The following GLIPR1L1 variants were observed in gnomAD, a reference collection of about 807,000 sequenced individuals.
GLIPR1L1 encodes GLIPR1-like protein 1.
Under a neutral mutation model 29.9 loss-of-function variants are expected in GLIPR1L1, and 26 were observed. The ratio of observed to expected loss-of-function variants is 0.87; its 90% CI spans 0.64 to 1.21. GLIPR1L1 has a LOEUF of 1.21. Ranked by LOEUF, GLIPR1L1 falls within the 50% of genes most tolerant of loss-of-function variation. The pLI, the probability that GLIPR1L1 is intolerant of heterozygous loss-of-function variation, is 0.00. For synonymous variants in GLIPR1L1, 77 were observed against 97.5 expected, an observed-to-expected ratio of 0.79 and a Z score of 1.24; for missense variants, 305 against 290.3, an observed-to-expected ratio of 1.05 and a Z score of -0.37.
intron 4 of GLIPR1L1, chr12:75,369,688 T>A (rs1309411591): frequency 1.0e-6 from 1 of 984,934 alleles, no homozygotes; most frequent in African/African-American, 1.7e-5. Flanking sequence ...AAAAATAAAG[T>A]TAACTACTTT....
intron 4 of GLIPR1L1, chr12:75,366,811 A>C: frequency 1.4e-6 from 1 of 697,370 alleles, no homozygotes; most frequent in Non-Finnish European, 2.6e-6. Flanking sequence ...CACCTCTGAG[A>C]GGGCTAAAAA....
In GLIPR1L1 at chr12:75,370,182, T is replaced by C. The variant is rs529316132; in HGVS notation, c.*6T>C. 32 of 1,350,958 alleles carry C rather than the reference T, an allele frequency of 2.4e-5. No homozygotes were observed. In the African/African-American group the frequency reaches 2.9e-4, roughly 12 times the overall value. 83.7% of individuals were successfully genotyped at this position (1,350,958 alleles called of 1,614,324 possible). On this transcript the variant is annotated 3_prime_UTR_variant, in exon 6 of 6. Transcript: ENST00000378695. ...TTCTTCTGAGAATCTTTTAATGTCATTTATATACAAAAGAAATTCTCAAAT... is the reference window on the plus strand; with the variant it reads ...TTCTTCTGAGAATCTTTTAATGTCACTTATATACAAAAGAAATTCTCAAAT...
intron 3 of GLIPR1L1, among the ~76,000 whole-genome samples, chr12:75,352,473 C>G (rs909011150): frequency 6.6e-6 from 1 of 152,172 alleles, no homozygotes; most frequent in African/African-American, 2.4e-5. Flanking sequence ...TATATATGCA[C>G]CCAATACAGG....
intron 2 of GLIPR1L1, among the ~76,000 whole-genome samples, chr12:75,345,871 C>T (rs370942124): frequency 5.1e-4 from 77 of 152,280 alleles, no homozygotes; most frequent in South Asian, 5.0e-3. Context: ...CTTCTCCCTT[C>T]GTATTACTAA....
chr12:75,337,638 G>A (rs935776970), intron 1 of GLIPR1L1, among the ~76,000 whole-genome samples: 3 of 151,764 alleles, frequency 2.0e-5, no homozygotes, highest in Non-Finnish European at 2.9e-5. Context: ...ATATGTATAC[G>A]TCAGTGAAAC....
intron 3 of GLIPR1L1, chr12:75,360,215 A>T (rs1191539916): frequency 6.6e-6 from 1 of 152,132 alleles, no homozygotes. Context: ...AAACCCTATC[A>T]TTCTGCCCCA....
intron 4 of GLIPR1L1, chr12:75,369,526 G>A (rs975493341): frequency 4.1e-6 from 4 of 980,476 alleles, no homozygotes; most frequent in Non-Finnish European, 4.8e-6. Context: ...AAACTGGGGA[G>A]GAAAGTTTGA....
chr12:75,364,263 AG>A (rs1428453004), intron 4 of GLIPR1L1, among the ~76,000 whole-genome samples: 4 of 152,214 alleles, frequency 2.6e-5, no homozygotes, highest in African/African-American at 9.6e-5. Flanking sequence ...ACTAGTTTTC[AG>A]GTTAACTTTG....
chr12:75,367,268 GAAAAAAAA>G (rs35250320), intron 4 of GLIPR1L1, among the ~76,000 whole-genome samples: 67 of 88,738 alleles, frequency 7.6e-4, no homozygotes, highest in Non-Finnish European at 6.0e-4. Context: ...TTCCTAGGAG[GAAAAAAAA>G]AAAAAAAAAA....
chr12:75,350,051 C>CT (rs953177555), intron 3 of GLIPR1L1, among the ~76,000 whole-genome samples: 2 of 152,232 alleles, frequency 1.3e-5, no homozygotes, highest in Non-Finnish European at 2.9e-5. Flanking sequence ...TCCCCTGCTG[C>CT]TGGTGCCAGC....
intron 4 of GLIPR1L1, among the ~76,000 whole-genome samples, chr12:75,367,693 C>T (rs1181536439): frequency 6.6e-6 from 1 of 151,970 alleles, no homozygotes; most frequent in Non-Finnish European, 1.5e-5. Flanking sequence ...TTATTTCTGA[C>T]AGTTTATTGA....
intron 4 of GLIPR1L1, among the ~76,000 whole-genome samples, chr12:75,368,474 G>A (rs180894432): frequency 6.7e-4 from 100 of 149,080 alleles, no homozygotes; most frequent in African/African-American, 1.6e-3. Context: ...GTAAAATTTC[G>A]AAAGGTACCA....
chr12:75,338,327 C>T (rs572643375), intron 1 of GLIPR1L1, among the ~76,000 whole-genome samples: 1 of 152,158 alleles, frequency 6.6e-6, no homozygotes, highest in South Asian at 2.1e-4. Flanking sequence ...ACTGGAAACA[C>T]CATTAACAGA....
At chr12:75,361,212 T>A (rs1280095498) in intron 3 of GLIPR1L1, among the ~76,000 whole-genome samples, 1 of 151,470 alleles carries the variant, frequency 6.6e-6, no homozygotes, top group Admixed American at 6.6e-5. Flanking sequence ...AAAAAATAAA[T>A]AAATAAAAAG....
At chr12:75,369,576 T>C (rs1264969586) in intron 4 of GLIPR1L1, 2 of 984,524 alleles carry the variant, frequency 2.0e-6, no homozygotes, top group African/African-American at 3.5e-5. Context: ...GTAAGGACCA[T>C]TACAGAAATG....
intron 3 of GLIPR1L1, among the ~76,000 whole-genome samples, chr12:75,351,338 C>A (rs2042795251): frequency 6.6e-6 from 1 of 152,010 alleles, no homozygotes; most frequent in South Asian, 2.1e-4. Flanking sequence ...CCAGAGAACC[C>A]CCGTAAGATA....
Position 75,334,684 on chromosome 12 carries a change from T to C in GLIPR1L1, c.-45T>C, listed in dbSNP as rs913766050. 2.5e-6 allele frequency: 4 copies of C among 1,585,674 alleles called. No homozygotes were observed. The African/African-American group carries it at 4.0e-5, about 16-fold the overall frequency. ...GAAATCGGGTTGCCCCAGCCGTTACTGGTCCGCGCAGTCAGGGCATCCTCC... is the reference window on the plus strand; with the variant it reads ...GAAATCGGGTTGCCCCAGCCGTTACCGGTCCGCGCAGTCAGGGCATCCTCC... On this transcript the variant is annotated 5_prime_UTR_variant, in exon 1 of 6. Coordinates refer to ENST00000378695, the MANE Select transcript of GLIPR1L1 (RefSeq NM_001304964.2).
In GLIPR1L1 at chr12:75,343,808, G is replaced by C. The variant is rs2042272327; in HGVS notation, c.290G>C (p.Gly97Ala). The change falls in exon 2 of 6, where the codon GGA becomes GCA. Residue 97 changes from glycine to alanine, a missense_variant. Gly to Ala is a moderately conservative substitution (Grantham distance 60). Coordinates refer to ENST00000378695, the MANE Select transcript of GLIPR1L1 (RefSeq NM_001304964.2). ...YKCYAAFEYV[G>A]ENIWLGGIKS... ...TGCTATGCAGCTTTTGAATATGTTGGAGAAAATATCTGGTTAGGTGGAATA... is the reference window on the plus strand; with the variant it reads ...TGCTATGCAGCTTTTGAATATGTTGCAGAAAATATCTGGTTAGGTGGAATA... The C allele has an allele frequency of 6.2e-7, 1 of 1,613,344 alleles. No homozygotes were observed. Among genetic ancestry groups the C allele is most frequent in the African/African-American group, 1.3e-5 (1 of 74,884 alleles).
chr12:75,367,091 T>C (rs992663648), intron 4 of GLIPR1L1: 1 of 694,632 alleles, frequency 1.4e-6, no homozygotes, highest in African/African-American at 1.8e-5. Flanking sequence ...CTGAGATTAA[T>C]TTGGGGAGAA....
Sources: gnomAD v4.1 joint callset for allele counts (sites outside exome capture counted in the v4.1 genomes callset) on GRCh38, gnomAD v4.1.1 for gene constraint, MANE v1.5 for transcripts, NCBI Gene and HGNC (gene_info 2026-07-23, HGNC 2026-07-21) for gene names.